The following PDCD2L variants were observed in gnomAD, a reference collection of about 807,000 sequenced individuals.
The protein encoded by PDCD2L is uS5 assembly chaperone PDCD2L.
Under a neutral mutation model 40.4 loss-of-function variants are expected in PDCD2L, and 44 were observed. The observed-to-expected ratio is 1.09, with a 90% CI of 0.86 to 1.40. The LOEUF (loss-of-function observed/expected upper bound fraction) is 1.40, where lower values mean the gene tolerates loss of function less well. Ranked by LOEUF, PDCD2L falls within the 40% of genes most tolerant of loss-of-function variation. PDCD2L has a pLI of 0.00. For synonymous variants in PDCD2L, 194 were observed against 174.6 expected, an observed-to-expected ratio of 1.11 and a Z score of -0.88; for missense variants, 470 against 453.7, an observed-to-expected ratio of 1.04 and a Z score of -0.33.
At position 34,415,113 on chromosome 19, in the gene PDCD2L, A is replaced by AT. The variant is rs1418218347; in HGVS notation, c.797+1272dup. Among the ~76,000 whole-genome samples the AT allele has an allele frequency of 4.0e-5, 6 of 151,450 alleles. No individual in the cohort carries two copies. The East Asian group carries it at 1.2e-3, about 29-fold the overall frequency. ...ACCCTTGGCCCATATATTTATTTTT[A>AT]TTTTTTAATTTATTTTTATTTTTCT... On this transcript the variant is annotated intron_variant, in intron 5 of 6. Transcript: ENST00000246535.
chr19:34,425,073 G>C (rs1340819679), intron 6 of PDCD2L, among the ~76,000 whole-genome samples: 1 of 152,082 alleles, frequency 6.6e-6, no homozygotes, highest in African/African-American at 2.4e-5. Flanking sequence ...TTTAAACAAT[G>C]TATTTCTCCT....
chr19:34,420,802 A>C (rs1419372759), intron 5 of PDCD2L, among the ~76,000 whole-genome samples: 2 of 151,722 alleles, frequency 1.3e-5, no homozygotes, highest in Non-Finnish European at 2.9e-5. Flanking sequence ...AAAAAAAAAA[A>C]AAAAAACCCA....
At chr19:34,411,841 G>T (rs2075104727) in intron 4 of PDCD2L, among the ~76,000 whole-genome samples, 1 of 151,378 alleles carries the variant, frequency 6.6e-6, no homozygotes, top group African/African-American at 2.4e-5. Context: ...TTTTAGTAGA[G>T]ATGGGGCTTC....
At chr19:34,404,852 C>T in intron 2 of PDCD2L, 37 bp downstream of exon 2, 1 of 1,606,612 alleles carries the variant, frequency 6.2e-7, no homozygotes. Context: ...CCAGGGGTGT[C>T]CTTTCCAGCG....
At chr19:34,424,600 A>T (rs951411843) in intron 6 of PDCD2L, among the ~76,000 whole-genome samples, 1 of 152,106 alleles carries the variant, frequency 6.6e-6, no homozygotes, top group Non-Finnish European at 1.5e-5. Flanking sequence ...GTCCACATGC[A>T]TAGTGGCCCT....
chr19:34,421,480 T>C lies in PDCD2L; in HGVS notation c.798-39T>C, dbSNP rs371611608. ...GCCTTAGATGCTAGAATGCGACTTG[T>C]GTGGCTCTGATTCGGGGTTCTTTGT... On this transcript the variant is annotated intron_variant, in intron 5 of 6. Coordinates refer to ENST00000246535, the MANE Select transcript of PDCD2L (RefSeq NM_032346.2). 4 of 1,609,354 alleles carry C rather than the reference T, an allele frequency of 2.5e-6. No individual in the cohort carries two copies. In the African/African-American group the frequency reaches 5.4e-5, roughly 22 times the overall value.
At chr19:34,413,557 T>C (rs2075113833) in intron 4 of PDCD2L, among the ~76,000 whole-genome samples, 180 bp from the exon 5 acceptor site, 1 of 151,010 alleles carries the variant, frequency 6.6e-6, no homozygotes, top group Non-Finnish European at 1.5e-5. Context: ...CAGGATGGTC[T>C]CGATCTCCTG....
chr19:34,410,199 A>G (rs966153402), intron 4 of PDCD2L, among the ~76,000 whole-genome samples: 2 of 152,200 alleles, frequency 1.3e-5, no homozygotes, highest in African/African-American at 2.4e-5. Context: ...TCCTGGGCTC[A>G]GGCAATCTAT....
At chr19:34,423,521 G>C (rs997904631) in intron 6 of PDCD2L, among the ~76,000 whole-genome samples, 9 of 122,944 alleles carry the variant, frequency 7.3e-5, no homozygotes, top group Non-Finnish European at 1.3e-4. Flanking sequence ...TTGAGATGGA[G>C]CCTCACTCTG....
chr19:34,406,380 A>G (rs1470578286), intron 3 of PDCD2L, among the ~76,000 whole-genome samples: 5 of 151,858 alleles, frequency 3.3e-5, no homozygotes, highest in Non-Finnish European at 7.4e-5. Flanking sequence ...GAGATACACA[A>G]TACTCTTATT....
chr19:34,413,212 G>A (rs1023665685), intron 4 of PDCD2L, among the ~76,000 whole-genome samples: 3 of 149,482 alleles, frequency 2.0e-5, no homozygotes, highest in Admixed American at 1.3e-4. Context: ...CTAATTTTTT[G>A]TACTTTTATT....
At chr19:34,404,596 T>G (rs2075063104) in intron 1 of PDCD2L, 53 bp from the exon 2 acceptor site, 2 of 1,589,808 alleles carry the variant, frequency 1.3e-6, no homozygotes, top group Non-Finnish European at 1.7e-6. Context: ...GCGGAGGGAG[T>G]GGGCGAGGTC....
chr19:34,408,699 G>A (rs2075088197), intron 3 of PDCD2L, among the ~76,000 whole-genome samples: 1 of 152,172 alleles, frequency 6.6e-6, no homozygotes, highest in African/African-American at 2.4e-5. Flanking sequence ...TGGCTCCAAA[G>A]CCTTGTTCTG....
At chr19:34,419,520 A>G (rs2075139734) in intron 5 of PDCD2L, among the ~76,000 whole-genome samples, 1 of 143,792 alleles carries the variant, frequency 7.0e-6, no homozygotes, top group Non-Finnish European at 1.5e-5. Context: ...TTTTAAAGAG[A>G]TGGGTGTCTC....
At chr19:34,413,324 T>TGCGCCTGCCC (rs2075112556) in intron 4 of PDCD2L, among the ~76,000 whole-genome samples, 1 of 138,828 alleles carries the variant, frequency 7.2e-6, no homozygotes, top group African/African-American at 2.8e-5. Flanking sequence ...AAAGGCGTGA[T>TGCGCCTGCCC]TGATTTTTTT....
chr19:34,415,598 C>T lies in PDCD2L; in HGVS notation c.797+1751C>T, dbSNP rs1444112630. 2.6e-5 allele frequency among the ~76,000 whole-genome samples: 4 copies of T among 152,212 alleles called. No individual in the cohort carries two copies. In the East Asian group the frequency reaches 7.7e-4, roughly 29 times the overall value. On this transcript the variant is annotated intron_variant, in intron 5 of 6. Transcript: ENST00000246535. ...AGTGGGCAGAATTAGCTCAAATGGT[C>T]TTTTTCCCCGATACCTACCACAGTG...
chr19:34,409,460 G>C lies in PDCD2L; in HGVS notation c.636G>C (p.Arg212Ser), dbSNP rs1292249955. 4.3e-6 allele frequency: 7 copies of C among 1,614,152 alleles called. No individual in the cohort carries two copies. In the South Asian group the frequency reaches 5.5e-5, roughly 13 times the overall value. ...VNLDHAHSLL[R>S]DYQQREGIAM... Reference sequence around the variant, plus strand: ...TGGATCATGCCCACAGCCTTCTGAGGGACTATCAGCAGAGAGAAGGCATTG... The same window carrying C: ...TGGATCATGCCCACAGCCTTCTGAGCGACTATCAGCAGAGAGAAGGCATTG... The change falls in exon 4 of 7, where the codon AGG (arginine) becomes AGC (serine). Residue 212 changes from arginine (R) to serine (S), a missense_variant. Coordinates refer to ENST00000246535, the MANE Select transcript of PDCD2L (RefSeq NM_032346.2).
At chr19:34,407,957 C>A (rs1233767288) in intron 3 of PDCD2L, among the ~76,000 whole-genome samples, 1 of 152,110 alleles carries the variant, frequency 6.6e-6, no homozygotes, top group Non-Finnish European at 1.5e-5. Flanking sequence ...GGGTTGCATT[C>A]TGGTCACCCA....
chr19:34,415,913 A>AG (rs1221935973), intron 5 of PDCD2L, among the ~76,000 whole-genome samples: 1 of 152,140 alleles, frequency 6.6e-6, no homozygotes, highest in Non-Finnish European at 1.5e-5. Flanking sequence ...TATACTGATG[A>AG]GTCCACAAAG....
Sources: allele counts gnomAD v4.1 joint callset (sites outside exome capture counted in the v4.1 genomes callset), GRCh38; gene constraint gnomAD v4.1.1; transcripts MANE v1.5; gene names NCBI Gene and HGNC (gene_info 2026-07-23, HGNC 2026-07-21).